CTNNA3: variants seen among roughly 807,000 people sequenced by gnomAD.
CTNNA3 encodes catenin alpha-3.
In CTNNA3, 76 loss-of-function variants were observed where a neutral mutation model predicts 95.7. The ratio of observed to expected loss-of-function variants is 0.79; its 90% confidence interval spans 0.66 to 0.96. The LOEUF is 0.96. Ranked by LOEUF, CTNNA3 falls within the 40% of genes least tolerant of loss-of-function variation. The pLI is 0.00. For synonymous variants in CTNNA3, 431 were observed against 374.4 expected, an observed-to-expected ratio of 1.15 and a Z score of -1.74; for missense variants, 1,191 against 1,089.8, an observed-to-expected ratio of 1.09 and a Z score of -1.31.
At chr10:67,019,984 T>C (rs1852897472) in intron 7 of CTNNA3, among the ~76,000 whole-genome samples, 1 of 138,964 alleles carries the variant, frequency 7.2e-6, no homozygotes. Context: ...CTGTGATGCA[T>C]TTAACAACAT....
chr10:66,903,959 T>G (rs1402381284), intron 7 of CTNNA3, among the ~76,000 whole-genome samples: 1 of 152,154 alleles, frequency 6.6e-6, no homozygotes, highest in Admixed American at 6.5e-5. Flanking sequence ...CTGCCCAAGG[T>G]AATTTATAGA....
intron 9 of CTNNA3, among the ~76,000 whole-genome samples, chr10:66,736,988 G>C (rs182581725): frequency 6.6e-6 from 1 of 152,216 alleles, no homozygotes; most frequent in Admixed American, 6.5e-5. Flanking sequence ...CCTTGATTAT[G>C]ATGACTGGTA....
At chr10:66,838,099 G>T in intron 7 of CTNNA3, among the ~76,000 whole-genome samples, 1 of 152,114 alleles carries the variant, frequency 6.6e-6, no homozygotes, top group East Asian at 1.9e-4. Flanking sequence ...TAAGGCCTGA[G>T]TGGTTTGTTT....
intron 2 of CTNNA3, among the ~76,000 whole-genome samples, chr10:67,645,866 A>G (rs1839688364): frequency 1.3e-5 from 2 of 150,504 alleles, no homozygotes; most frequent in Admixed American, 1.3e-4. Context: ...TTAAAATATC[A>G]TTTAAAATGG....
chr10:66,936,971 T>C (rs908160516), intron 7 of CTNNA3, among the ~76,000 whole-genome samples: 1 of 152,166 alleles, frequency 6.6e-6, no homozygotes, highest in Non-Finnish European at 1.5e-5. Context: ...TGTAAAGCAC[T>C]CTGAAATCAT....
At chr10:66,313,027 T>A (rs2092045547) in intron 12 of CTNNA3, among the ~76,000 whole-genome samples, 1 of 152,128 alleles carries the variant, frequency 6.6e-6, no homozygotes, top group Admixed American at 6.5e-5. Flanking sequence ...AACTTCACCA[T>A]TACCGGACGA....
intron 10 of CTNNA3, among the ~76,000 whole-genome samples, chr10:66,539,335 A>G (rs1221993230): frequency 6.6e-6 from 1 of 152,124 alleles, no homozygotes; most frequent in African/African-American, 2.4e-5. Flanking sequence ...GTAAATCTAC[A>G]TTTACATAAG....
At chr10:66,168,272 C>T (rs1180253997) in intron 13 of CTNNA3, among the ~76,000 whole-genome samples, 1 of 152,096 alleles carries the variant, frequency 6.6e-6, no homozygotes, top group Non-Finnish European at 1.5e-5. Flanking sequence ...ATAATGAGAG[C>T]CACAGCTATA....
chr10:67,323,897 G>GT (rs1351782015), intron 5 of CTNNA3, among the ~76,000 whole-genome samples: 21 of 152,046 alleles, frequency 1.4e-4, no homozygotes, highest in Non-Finnish European at 2.9e-4. Context: ...GTGTTTTATA[G>GT]TTTTCCTTGT....
At chr10:67,130,446 T>TG (rs996780210) in intron 7 of CTNNA3, among the ~76,000 whole-genome samples, 4 of 152,116 alleles carry the variant, frequency 2.6e-5, no homozygotes, top group Admixed American at 6.6e-5. Flanking sequence ...AGCTGGTCAA[T>TG]GGGGAGATAT....
At chr10:66,499,525 C>T (rs1029579405) in intron 11 of CTNNA3, among the ~76,000 whole-genome samples, 12 of 151,918 alleles carry the variant, frequency 7.9e-5, no homozygotes, top group Admixed American at 3.9e-4. Context: ...ACAGGGTCTC[C>T]CTATGTAGCT....
At chr10:66,002,494 A>C (rs1312576702) in intron 15 of CTNNA3, among the ~76,000 whole-genome samples, 1 of 152,200 alleles carries the variant, frequency 6.6e-6, no homozygotes, top group East Asian at 1.9e-4. Context: ...CTCTTGTTCC[A>C]TATTATTCAG....
At chr10:66,277,870 T>G (rs1393388518) in intron 13 of CTNNA3, among the ~76,000 whole-genome samples, 1 of 152,002 alleles carries the variant, frequency 6.6e-6, no homozygotes, top group African/African-American at 2.4e-5. Context: ...AACCATGTAC[T>G]TAGAGACATG....
chr10:66,475,327 T>C (rs1031448087), intron 11 of CTNNA3, among the ~76,000 whole-genome samples: 4 of 151,884 alleles, frequency 2.6e-5, no homozygotes, highest in South Asian at 2.1e-4. Flanking sequence ...GTAGAAAACA[T>C]AGGGGAAATG....
At chr10:67,488,635 T>G (rs951999786) in intron 5 of CTNNA3, among the ~76,000 whole-genome samples, 1 of 150,968 alleles carries the variant, frequency 6.6e-6, no homozygotes, top group Admixed American at 6.6e-5. Flanking sequence ...CCTCCCAAAG[T>G]GCAGGGATTA....
At chr10:66,256,468 C>T (rs543327240) in intron 13 of CTNNA3, among the ~76,000 whole-genome samples, 5 of 152,116 alleles carry the variant, frequency 3.3e-5, no homozygotes, top group African/African-American at 1.2e-4. Context: ...GCCTGTAATC[C>T]CAGCACTTTG....
intron 7 of CTNNA3, among the ~76,000 whole-genome samples, chr10:67,104,177 G>C (rs1465585741): frequency 1.3e-5 from 2 of 151,658 alleles, no homozygotes; most frequent in Non-Finnish European, 2.9e-5. Context: ...ATGGATGAAT[G>C]GTCAATAAAG....
chr10:65,960,852 A>G (rs2077828051), intron 17 of CTNNA3, among the ~76,000 whole-genome samples: 1 of 152,148 alleles, frequency 6.6e-6, no homozygotes, highest in African/African-American at 2.4e-5. Flanking sequence ...GACATAATTA[A>G]ATTCTTTTAT....
rs75876897 is a variant in CTNNA3 at position 66,918,582 on chromosome 10, T to C, written c.1048-143058A>G. On this transcript the variant is annotated intron_variant, in intron 7 of 17. Coordinates refer to ENST00000433211, the MANE Select transcript of CTNNA3 (RefSeq NM_013266.4). ...TGGGAAAACCACCAAATGCAGAACA[T>C]GGAAAAAGCTAAAGTCCAAATGACG... 9.2e-3 allele frequency among the ~76,000 whole-genome samples: 1,399 copies of C among 152,228 alleles called. 6 individuals are homozygous for C. Among genetic ancestry groups the C allele is most frequent in the Middle Eastern group, 0.044 (13 of 294 alleles).
Sources: allele counts gnomAD v4.1 joint callset (sites outside exome capture counted in the v4.1 genomes callset), GRCh38; gene constraint gnomAD v4.1.1; transcripts MANE v1.5; gene names NCBI Gene and HGNC (gene_info 2026-07-23, HGNC 2026-07-21).